The following IGF1R variants were observed in gnomAD, a reference collection of about 807,000 sequenced individuals.
IGF1R encodes insulin like growth factor 1 receptor, also known as insulin-like growth factor 1 receptor.
IGF1R carries 44 observed loss-of-function variants against 144.6 expected under a neutral mutation model. The ratio of observed to expected loss-of-function variants is 0.30; its 90% CI spans 0.24 to 0.39. IGF1R has a LOEUF of 0.39. Among genes scored for constraint, IGF1R ranks in the 10% least tolerant of loss-of-function variants. IGF1R has a pLI of 1.00. For missense variants in IGF1R, 1,355 were observed against 1,833.7 expected, an observed-to-expected ratio of 0.74 and a Z score of 4.77; for synonymous variants, 795 against 722.8, an observed-to-expected ratio of 1.10 and a Z score of -1.60.
chr15:98,944,644 A>C (rs1175827397), intron 19 of IGF1R, among the ~76,000 whole-genome samples: 3 of 152,250 alleles, frequency 2.0e-5, no homozygotes, highest in Non-Finnish European at 4.4e-5. Context: ...AGAAAGAAAC[A>C]CTAAGAATTG....
chr15:98,693,018 G>A (rs2053513916), intron 1 of IGF1R, among the ~76,000 whole-genome samples: 1 of 152,170 alleles, frequency 6.6e-6, no homozygotes, highest in African/African-American at 2.4e-5. Context: ...TGTTCCATTT[G>A]CCCGTGGTGT....
chr15:98,957,549 T>C lies in IGF1R; in HGVS notation c.*107T>C, dbSNP rs764116020. 1.0e-5 allele frequency: 15 copies of C among 1,441,618 alleles called. No homozygotes were observed. Among genetic ancestry groups the C allele is most frequent in the Non-Finnish European group, 1.4e-5 (15 of 1,037,334 alleles). 89.3% of individuals were successfully genotyped at this position (1,441,618 alleles called of 1,614,324 possible). A position where few individuals can be genotyped will look rare whatever the true frequency, so the allele number is the denominator to read the frequency against. ...CATTCACAAGCCTCCTGTACCTCAG[T>C]GGATCTTCAGAACTGCCCTTGCTGC... On this transcript the variant is annotated 3_prime_UTR_variant, in exon 21 of 21. Transcript: ENST00000650285.
chr15:98,869,434 C>CTTTTTTT (rs60569365), intron 2 of IGF1R, among the ~76,000 whole-genome samples: 1 of 134,946 alleles, frequency 7.4e-6, no homozygotes, highest in African/African-American at 2.8e-5. Context: ...CCTTGAGATT[C>CTTTTTTT]TTTTTTTTTT....
In IGF1R at chr15:98,963,213, ATTTTTT is replaced by A. The variant is rs35151840; in HGVS notation, c.*5784_*5789del. 1.5e-3 allele frequency: 322 copies of A among 212,284 alleles called. No homozygotes were observed. Among genetic ancestry groups the A allele is most frequent in the African/African-American group, 6.4e-3 (263 of 41,138 alleles). 13.2% of individuals were successfully genotyped at this position (212,284 alleles called of 1,614,324 possible). ...GTGTGCAAATGTGTGTTTGTGATCCATTTTTTTTTTTTTTTTTTAGGACACCTGTTT... is the reference window on the plus strand; with the variant it reads ...GTGTGCAAATGTGTGTTTGTGATCCATTTTTTTTTTTTAGGACACCTGTTT... On this transcript the variant is annotated 3_prime_UTR_variant, in exon 21 of 21. Transcript: ENST00000650285.
chr15:98,691,377 T>G (rs1330097227), intron 1 of IGF1R, among the ~76,000 whole-genome samples: 1 of 151,160 alleles, frequency 6.6e-6, no homozygotes, highest in Admixed American at 6.6e-5. Flanking sequence ...GTTTTTTTTT[T>G]TTTTTGAGAC....
At position 98,649,614 on chromosome 15, in the gene IGF1R, C is replaced by T; in HGVS notation, c.33C>T (p.Thr11=). Residue 11 remains threonine (T), a synonymous_variant, in exon 1 of 21, where the codon ACC becomes ACT. Transcript: ENST00000650285. MKSGSGGGSP[T]SLWGLLFLSA... ...CTGGCTCCGGAGGAGGGTCCCCGAC[C>T]TCGCTGTGGGGGCTCCTGTTTCTCT... 1 of 1,609,178 alleles carries T rather than the reference C, an allele frequency of 6.2e-7. No homozygotes were observed. The highest frequency in any genetic ancestry group is 8.5e-7 in the Non-Finnish European group (1 of 1,178,376).
chr15:98,776,240 A>T (rs1425526180), intron 2 of IGF1R, among the ~76,000 whole-genome samples: 2 of 150,340 alleles, frequency 1.3e-5, no homozygotes, highest in Non-Finnish European at 3.0e-5. Flanking sequence ...GCTGGAGTGC[A>T]GTGGTGTGAT....
intron 2 of IGF1R, among the ~76,000 whole-genome samples, chr15:98,841,121 T>C (rs967161278): frequency 2.0e-5 from 3 of 152,214 alleles, no homozygotes; most frequent in African/African-American, 7.2e-5. Context: ...TGCCATCATA[T>C]TGAAGTTACC....
intron 1 of IGF1R, among the ~76,000 whole-genome samples, chr15:98,666,693 C>G (rs1028926849): frequency 6.6e-6 from 1 of 151,992 alleles, no homozygotes; most frequent in African/African-American, 2.4e-5. Context: ...TAGTCACATT[C>G]ATAGAGACGG....
At chr15:98,876,326 A>AAAAG (rs944241453) in intron 2 of IGF1R, among the ~76,000 whole-genome samples, 4 of 151,570 alleles carry the variant, frequency 2.6e-5, no homozygotes, top group Admixed American at 2.0e-4. Context: ...AAAAAAAAAA[A>AAAAG]AGAGAGAGAG....
At chr15:98,894,176 G>A (rs917030049) in intron 3 of IGF1R, among the ~76,000 whole-genome samples, 4 of 152,090 alleles carry the variant, frequency 2.6e-5, no homozygotes, top group African/African-American at 7.2e-5. Context: ...CTGGGCTCAA[G>A]TGATCCTCCT....
intron 1 of IGF1R, among the ~76,000 whole-genome samples, chr15:98,661,768 A>G (rs1052806174): frequency 6.6e-6 from 1 of 152,144 alleles, no homozygotes; most frequent in African/African-American, 2.4e-5. Flanking sequence ...AGGGATGCCA[A>G]TGAGAATTAG....
intron 2 of IGF1R, among the ~76,000 whole-genome samples, chr15:98,744,274 C>T (rs1163150427): frequency 1.3e-5 from 2 of 151,934 alleles, no homozygotes; most frequent in South Asian, 2.1e-4. Flanking sequence ...GATGGCCAGG[C>T]TTCCAGGGAG....
At chr15:98,944,576 A>G (rs749686648) in intron 19 of IGF1R, among the ~76,000 whole-genome samples, 11 of 152,234 alleles carry the variant, frequency 7.2e-5, no homozygotes, top group South Asian at 2.1e-4. Flanking sequence ...AAGAATGGAA[A>G]TGATTTCAGA....
At chr15:98,779,456 C>T (rs1168641955) in intron 2 of IGF1R, among the ~76,000 whole-genome samples, 1 of 152,226 alleles carries the variant, frequency 6.6e-6, no homozygotes, top group Non-Finnish European at 1.5e-5. Flanking sequence ...ATTTAATCCT[C>T]AGCCTGGTTA....
chr15:98,709,307 G>C (rs1407467744), intron 2 of IGF1R, among the ~76,000 whole-genome samples: 1 of 152,220 alleles, frequency 6.6e-6, no homozygotes, highest in Non-Finnish European at 1.5e-5. Context: ...CCAGTCCTGA[G>C]GCAGGAAAAG....
At chr15:98,914,148 T>G (rs1421908158) in intron 8 of IGF1R, among the ~76,000 whole-genome samples, 1 of 152,162 alleles carries the variant, frequency 6.6e-6, no homozygotes, top group East Asian at 1.9e-4. Context: ...CTCCGGGGCC[T>G]CTCATAGAAG....
At chr15:98,810,226 G>A (rs1326926690) in intron 2 of IGF1R, among the ~76,000 whole-genome samples, 3 of 152,038 alleles carry the variant, frequency 2.0e-5, no homozygotes, top group Non-Finnish European at 4.4e-5. Flanking sequence ...CTTTCCTAAG[G>A]GGTCCGTAGC....
At chr15:98,788,906 A>AT (rs960407306) in intron 2 of IGF1R, among the ~76,000 whole-genome samples, 131 of 149,398 alleles carry the variant, frequency 8.8e-4, no homozygotes, top group Middle Eastern at 3.4e-3. Context: ...TATTTCTAGC[A>AT]TTTTTTTTTC....
Sources: gnomAD v4.1 joint callset for allele counts (sites outside exome capture counted in the v4.1 genomes callset) on GRCh38, gnomAD v4.1.1 for gene constraint, MANE v1.5 for transcripts, NCBI Gene and HGNC (gene_info 2026-07-23, HGNC 2026-07-21) for gene names.